The following EPHA3 variants were observed in gnomAD, a reference collection of about 807,000 sequenced individuals.
EPHA3 encodes EPH receptor A3, also known as ephrin type-A receptor 3.
A neutral mutation model predicts 107.1 loss-of-function variants in EPHA3; 42 were observed. That is an observed-to-expected ratio of 0.39 (90% CI 0.31 to 0.51). EPHA3 has a LOEUF of 0.51. Among genes scored for constraint, EPHA3 ranks in the 20% least tolerant of loss-of-function variants. EPHA3 has a pLI of 0.78. For missense variants in EPHA3, 1,183 were observed against 1,211.2 expected, an observed-to-expected ratio of 0.98 and a Z score of 0.35; for synonymous variants, 461 against 424.8, an observed-to-expected ratio of 1.09 and a Z score of -1.05.
intron 3 of EPHA3, among the ~76,000 whole-genome samples, chr3:89,320,835 T>C (rs1707025631): frequency 1.3e-5 from 2 of 152,062 alleles, no homozygotes; most frequent in Admixed American, 1.3e-4. Context: ...GTGATGAGTA[T>C]GTAATGATCT....
intron 7 of EPHA3, among the ~76,000 whole-genome samples, chr3:89,406,201 A>G (rs1398389570): frequency 6.6e-6 from 1 of 152,144 alleles, no homozygotes; most frequent in Non-Finnish European, 1.5e-5. Flanking sequence ...AGGTTATTTT[A>G]TATTTATGGT....
chr3:89,458,911 A>G (rs1425800080), intron 15 of EPHA3, among the ~76,000 whole-genome samples: 1 of 152,214 alleles, frequency 6.6e-6, no homozygotes, highest in African/African-American at 2.4e-5. Context: ...CATCATTCTC[A>G]GCAAACTAAC....
At chr3:89,358,145 T>A (rs1173288666) in intron 5 of EPHA3, among the ~76,000 whole-genome samples, 1 of 151,134 alleles carries the variant, frequency 6.6e-6, no homozygotes, top group Non-Finnish European at 1.5e-5. Context: ...AGAGAGACTT[T>A]TTTTTACTAA....
At chr3:89,259,724 C>A (rs1287223013) in intron 3 of EPHA3, among the ~76,000 whole-genome samples, 1 of 152,104 alleles carries the variant, frequency 6.6e-6, no homozygotes, top group African/African-American at 2.4e-5. Flanking sequence ...ATTTCTAATA[C>A]AATATAATTT....
chr3:89,113,878 C>T (rs1171002676), intron 1 of EPHA3, among the ~76,000 whole-genome samples: 1 of 152,070 alleles, frequency 6.6e-6, no homozygotes, highest in Non-Finnish European at 1.5e-5. Context: ...AATGTCTGGA[C>T]GAATGCATGT....
At chr3:89,250,849 T>C in intron 3 of EPHA3, among the ~76,000 whole-genome samples, 1 of 152,200 alleles carries the variant, frequency 6.6e-6, no homozygotes, top group Admixed American at 6.5e-5. Flanking sequence ...TGTAACTAGG[T>C]AAAATTTATT....
intron 3 of EPHA3, among the ~76,000 whole-genome samples, chr3:89,336,997 C>T (rs1375147087): frequency 6.6e-6 from 1 of 151,308 alleles, no homozygotes; most frequent in African/African-American, 2.4e-5. Flanking sequence ...CTGTAGTGAG[C>T]TGTCATCATG....
chr3:89,176,666 A>T (rs1356929734), intron 2 of EPHA3, among the ~76,000 whole-genome samples: 1 of 152,128 alleles, frequency 6.6e-6, no homozygotes, highest in Non-Finnish European at 1.5e-5. Flanking sequence ...CATCTTACAC[A>T]TATTAACAGT....
chr3:89,274,571 T>A (rs898581577), intron 3 of EPHA3, among the ~76,000 whole-genome samples: 3 of 151,986 alleles, frequency 2.0e-5, no homozygotes, highest in Non-Finnish European at 2.9e-5. Context: ...TTATGTGAAT[T>A]AATAGAGAAC....
intron 12 of EPHA3, 40 bp from the exon 13 acceptor site, chr3:89,431,110 T>C (rs1576374292): frequency 6.3e-7 from 1 of 1,579,900 alleles, no homozygotes; most frequent in Middle Eastern, 1.7e-4. Flanking sequence ...CTTTAAGAAA[T>C]AGGAACGTAT....
Position 89,245,676 on chromosome 3 carries a change from C to T in EPHA3, c.814+35156C>T, listed in dbSNP as rs532145586. Among the ~76,000 whole-genome samples the T allele has an allele frequency of 2.4e-4, 36 of 152,284 alleles. 1 individual carries two copies. In the South Asian group the frequency reaches 7.0e-3, roughly 30 times the overall value. On this transcript the variant is annotated intron_variant, in intron 3 of 16. Coordinates refer to ENST00000336596, the MANE Select transcript of EPHA3 (RefSeq NM_005233.6). The stretch of plus-strand genomic sequence containing the variant: ...AATTTGTAACACTTTCTCTGAAGTG[C>T]GAATTAAATCTGATGTTTCATGATG...
At chr3:89,477,289 A>G (rs1256451930) in intron 16 of EPHA3, among the ~76,000 whole-genome samples, 2 of 152,124 alleles carry the variant, frequency 1.3e-5, no homozygotes, top group East Asian at 3.9e-4. Flanking sequence ...GAGAAAGAGT[A>G]TGATCAGATA....
intron 2 of EPHA3, among the ~76,000 whole-genome samples, chr3:89,202,869 C>T (rs1323275356): frequency 6.6e-6 from 1 of 152,130 alleles, no homozygotes; most frequent in Non-Finnish European, 1.5e-5. Context: ...AGGTGTTCTA[C>T]CACCAGATGT....
chr3:89,399,987 C>T (rs1344234753), intron 7 of EPHA3: 2 of 1,044,004 alleles, frequency 1.9e-6, no homozygotes, highest in Non-Finnish European at 2.3e-6. Context: ...TAGCCTGTTC[C>T]TTTAACCCCA....
At chr3:89,349,779 G>A (rs1364390682) in intron 5 of EPHA3, among the ~76,000 whole-genome samples, 18 of 150,152 alleles carry the variant, frequency 1.2e-4, no homozygotes, top group Admixed American at 2.7e-4. Flanking sequence ...CATGTTTAGC[G>A]CTTCCTTCAG....
intron 2 of EPHA3, among the ~76,000 whole-genome samples, chr3:89,206,087 G>A (rs376747134): frequency 3.9e-5 from 6 of 152,066 alleles, no homozygotes; most frequent in African/African-American, 1.4e-4. Flanking sequence ...TGTTGTTTTC[G>A]CAAGTGGTCT....
At chr3:89,223,199 C>A (rs537503701) in intron 3 of EPHA3, among the ~76,000 whole-genome samples, 7 of 152,058 alleles carry the variant, frequency 4.6e-5, no homozygotes, top group Non-Finnish European at 8.8e-5. Flanking sequence ...ACTCCTCTTA[C>A]GATCATTCCC....
rs559805671 is a variant in EPHA3, at chr3:89,370,216, A to T, written c.1307-25621A>T. Among the ~76,000 whole-genome samples the T allele has an allele frequency of 3.6e-4, 55 of 151,180 alleles. 3 individuals carry two copies. Among genetic ancestry groups the T allele is most frequent in the Admixed American group, 3.2e-3 (48 of 15,132 alleles). Reference sequence around the variant, plus strand: ...TAAAGACACATGCACACCTATGTTTATTGCAACAATATTCACCATAGCAAA... The same window carrying T: ...TAAAGACACATGCACACCTATGTTTTTTGCAACAATATTCACCATAGCAAA... On this transcript the variant is annotated intron_variant, in intron 5 of 16. Coordinates refer to ENST00000336596, the MANE Select transcript of EPHA3 (RefSeq NM_005233.6).
chr3:89,413,535 T>G (rs1367117939), intron 10 of EPHA3, among the ~76,000 whole-genome samples: 1 of 151,790 alleles, frequency 6.6e-6, no homozygotes, highest in Non-Finnish European at 1.5e-5. Context: ...GCTGATCGTG[T>G]GTCACAAAAC....
Sources: allele counts gnomAD v4.1 joint callset (sites outside exome capture counted in the v4.1 genomes callset), GRCh38; gene constraint gnomAD v4.1.1; transcripts MANE v1.5; gene names NCBI Gene and HGNC (gene_info 2026-07-23, HGNC 2026-07-21).